Variants in DNAH5 observed in about 807,000 individuals in gnomAD.
DNAH5 encodes the protein axonemal beta dynein heavy chain 5.
A neutral mutation model predicts 518.2 loss-of-function variants in DNAH5; 372 were observed. The ratio of observed to expected loss-of-function variants is 0.72; its 90% CI spans 0.66 to 0.78. DNAH5 has a LOEUF of 0.78. Ranked by LOEUF, DNAH5 falls within the 30% of genes least tolerant of loss-of-function variation. DNAH5 has a pLI of 0.00. For synonymous variants in DNAH5, 2,039 were observed against 2,025.9 expected (o/e 1.01, Z -0.17); for missense variants, 5,523 against 5,687.0 (o/e 0.97, Z 0.93).
intron 32 of DNAH5, among the ~76,000 whole-genome samples, 164 bp downstream of exon 32, chr5:13,844,673 T>G (rs1231281918): frequency 6.6e-6 from 1 of 152,180 alleles, no homozygotes; most frequent in Non-Finnish European, 1.5e-5. Context: ...AATTACACAG[T>G]TCTGAAGGTA....
intron 31 of DNAH5, among the ~76,000 whole-genome samples, chr5:13,849,244 G>T (rs1383939575): frequency 6.6e-6 from 1 of 152,208 alleles, no homozygotes; most frequent in African/African-American, 2.4e-5. Context: ...TCTTGTCAGG[G>T]TTTACATCTC....
At chr5:13,895,361 C>T (rs1440436200) in intron 15 of DNAH5, among the ~76,000 whole-genome samples, 2 of 152,164 alleles carry the variant, frequency 1.3e-5, no homozygotes, top group Non-Finnish European at 2.9e-5. Flanking sequence ...CTAACAGTGT[C>T]TCACCTCCTA....
At chr5:13,903,911 A>C (rs1468448912) in intron 12 of DNAH5, among the ~76,000 whole-genome samples, 1 of 152,140 alleles carries the variant, frequency 6.6e-6, no homozygotes, top group Non-Finnish European at 1.5e-5. Context: ...AGATACGATT[A>C]CTAACAAGAT....
chr5:13,925,725 C>T (rs1042544887), intron 3 of DNAH5, among the ~76,000 whole-genome samples: 16 of 152,284 alleles, frequency 1.1e-4, no homozygotes, highest in Admixed American at 3.3e-4. Context: ...TACCAAGACA[C>T]GTGATAATTG....
chr5:13,896,965 TC>T (rs34674671), intron 15 of DNAH5, among the ~76,000 whole-genome samples: 81,020 of 151,852 alleles, frequency 0.53, 21,992 homozygotes, highest in African/African-American at 0.63. Flanking sequence ...GAGTACTAGG[TC>T]CAAAGAGATT....
In DNAH5 at chr5:13,916,433, G is replaced by A; in HGVS notation, c.1112C>T (p.Pro371Leu). Residue 371 changes from proline to leucine, a missense_variant, in exon 9 of 79, where the codon CCT (proline) becomes CTT (leucine). Pro to Leu is a moderately conservative substitution (Grantham distance 98, BLOSUM62 -3). Around this residue, in one of 3 missense-constraint regions of DNAH5, gnomAD observed 5,121 missense variants for 5,223.3 expected, o/e 0.98. Transcript: ENST00000265104. Reference protein sequence around the residue: ...SDPLSMMDAIPTLINAIKMIY... With the variant: ...SDPLSMMDAILTLINAIKMIY... ...CATTTTAATTGCATTTATAAGTGTAGGAATAGCATCCATCATGGATAGCTG... is the reference window on the plus strand; with the variant it reads ...CATTTTAATTGCATTTATAAGTGTAAGAATAGCATCCATCATGGATAGCTG... 2 of 1,558,178 alleles carry A rather than the reference G, an allele frequency of 1.3e-6. No individual in the cohort carries two copies. Among genetic ancestry groups the A allele is most frequent in the Non-Finnish European group, 1.8e-6 (2 of 1,131,738 alleles).
intron 65 of DNAH5, among the ~76,000 whole-genome samples, chr5:13,738,423 C>T (rs779467571): frequency 6.6e-5 from 10 of 152,086 alleles, no homozygotes; most frequent in South Asian, 2.1e-4. Flanking sequence ...AACTACTCTC[C>T]GAAATCTTAG....
At chr5:13,883,711 C>G (rs1771982453) in intron 19 of DNAH5, among the ~76,000 whole-genome samples, 1 of 152,136 alleles carries the variant, frequency 6.6e-6, no homozygotes, top group Non-Finnish European at 1.5e-5. Context: ...TTGCAAATAT[C>G]TGTAATAGAA....
intron 65 of DNAH5, among the ~76,000 whole-genome samples, chr5:13,747,397 T>C (rs1271143002): frequency 6.6e-6 from 1 of 152,236 alleles, no homozygotes; most frequent in Non-Finnish European, 1.5e-5. Context: ...CCTTTGGGTA[T>C]ATACCCAGTA....
At chr5:13,903,259 A>C (rs967431072) in intron 12 of DNAH5, among the ~76,000 whole-genome samples, 3 of 152,172 alleles carry the variant, frequency 2.0e-5, no homozygotes, top group Non-Finnish European at 4.4e-5. Context: ...ATGAACTACA[A>C]GACAGTTTTC....
chr5:13,925,799 C>T (rs982994664), intron 3 of DNAH5, among the ~76,000 whole-genome samples: 4 of 152,102 alleles, frequency 2.6e-5, no homozygotes, highest in African/African-American at 9.7e-5. Context: ...TCATGCTATG[C>T]AAACGGTGAG....
intron 16 of DNAH5, 141 bp downstream of exon 16, chr5:13,894,509 G>T: frequency 2.3e-6 from 2 of 879,576 alleles, no homozygotes; most frequent in Non-Finnish European, 1.7e-6. Flanking sequence ...GCATGTTTTG[G>T]AACACTTCCT....
chr5:13,860,090 T>C (rs11949476), intron 29 of DNAH5, among the ~76,000 whole-genome samples: 3,047 of 152,252 alleles, frequency 0.02, 116 homozygotes, highest in African/African-American at 0.069. Flanking sequence ...TCTGAGTCTC[T>C]TTCTAACTTC....
intron 1 of DNAH5, among the ~76,000 whole-genome samples, chr5:13,943,661 G>A (rs1779664928): frequency 6.6e-6 from 1 of 152,168 alleles, no homozygotes; most frequent in South Asian, 2.1e-4. Context: ...AAAATTCAGA[G>A]GTAGATGCCT....
intron 43 of DNAH5, 111 bp downstream of exon 43, chr5:13,814,494 C>G: frequency 1.9e-6 from 2 of 1,029,388 alleles, no homozygotes; most frequent in South Asian, 2.7e-5. Flanking sequence ...CAAACATTAG[C>G]ATAAAAATGC....
At chr5:13,758,215 G>C (rs1282298808) in intron 61 of DNAH5, among the ~76,000 whole-genome samples, 1 of 152,108 alleles carries the variant, frequency 6.6e-6, no homozygotes, top group African/African-American at 2.4e-5. Context: ...ACAAAGATAG[G>C]TAAGGCACTA....
intron 56 of DNAH5, 52 bp from the exon 57 acceptor site, chr5:13,769,667 C>A (rs1561212438): frequency 7.0e-7 from 1 of 1,438,556 alleles, no homozygotes; most frequent in Middle Eastern, 1.7e-4. Flanking sequence ...GACTTGGATG[C>A]AATTCTCAAG....
chr5:13,701,412 C>T lies in DNAH5; in HGVS notation c.13363G>A (p.Gly4455Ser), dbSNP rs1401384243. The T allele has an allele frequency of 6.2e-7, 1 of 1,613,102 alleles. No homozygotes were observed. Among genetic ancestry groups the T allele is most frequent in the Admixed American group, 1.7e-5 (1 of 59,972 alleles). ...TCTATAAGTTCAGTAAACCAGAAAC[C>T]CAGTGTACTAGAAATCCAAGAAGCC... ...KKASWISSTL[G>S]FWFTELIERN... Residue 4455 changes from glycine to serine, a missense_variant, in exon 77 of 79, where the codon GGT becomes AGT. Physicochemically the swap from Gly to Ser is moderately conservative, Grantham distance 56 (BLOSUM62 0). Around this residue, in one of 3 missense-constraint regions of DNAH5, gnomAD observed 387 missense variants for 430.0 expected, o/e 0.90. Transcript: ENST00000265104.
chr5:13,790,387 G>A (rs927287817), intron 50 of DNAH5, among the ~76,000 whole-genome samples: 1 of 152,186 alleles, frequency 6.6e-6, no homozygotes, highest in Non-Finnish European at 1.5e-5. Context: ...ATGAGATCAT[G>A]TCTTTCATGG....
Sources: allele counts gnomAD v4.1 joint callset (sites outside exome capture counted in the v4.1 genomes callset), GRCh38; gene constraint gnomAD v4.1.1; regional missense constraint gnomAD v4.1.1; transcripts MANE v1.5; gene names NCBI Gene and HGNC (gene_info 2026-07-23, HGNC 2026-07-21).